Variants in BLM observed in about 807,000 individuals in gnomAD.
The protein encoded by BLM is BLM RecQ like helicase.
Under a neutral mutation model 135.3 loss-of-function variants are expected in BLM, and 95 were observed. The ratio of observed to expected loss-of-function variants is 0.70; its 90% CI spans 0.59 to 0.83. BLM has a LOEUF of 0.83. Ranked by LOEUF, BLM falls within the 40% of genes least tolerant of loss-of-function variation. The probability of loss-of-function intolerance (pLI) is 0.00; values close to 1 mark genes in which losing one functional copy is unlikely to be tolerated. For missense variants in BLM, 1,518 were observed against 1,663.9 expected (o/e 0.91, Z 1.53); for synonymous variants, 520 against 589.2 (o/e 0.88, Z 1.70).
At chr15:90,789,201 TGA>T (rs1896837635) in intron 14 of BLM, among the ~76,000 whole-genome samples, 1 of 152,146 alleles carries the variant, frequency 6.6e-6, no homozygotes, top group Non-Finnish European at 1.5e-5. Flanking sequence ...GTTAGATTCA[TGA>T]GATAGAATAA....
At chr15:90,798,669 T>C (rs770700363) in intron 17 of BLM, among the ~76,000 whole-genome samples, 39 of 148,616 alleles carry the variant, frequency 2.6e-4, no homozygotes, top group Non-Finnish European at 5.3e-4. Context: ...GAGAGACTAT[T>C]ATCAGATTAG....
chr15:90,760,884 A>G lies in BLM; in HGVS notation c.1511A>G (p.Asn504Ser). Residue 504 changes from asparagine (N) to serine (S), a missense_variant, in exon 7 of 22, where the codon AAC becomes AGC. Physicochemically the swap from Asn to Ser is conservative, Grantham distance 46 (BLOSUM62 1). Transcript: ENST00000355112. Reference protein sequence around the residue: ...THLQKSFVSSNWAETPRLGKK... With the variant: ...THLQKSFVSSSWAETPRLGKK... ...TTACAGAAGTCCTTTGTAAGTAGCA[A>G]CTGGGCTGAAACACCAAGACTAGGA... The G allele has an allele frequency of 6.2e-7, 1 of 1,614,086 alleles. No homozygotes were observed. Among genetic ancestry groups the G allele is most frequent in the Non-Finnish European group, 8.5e-7 (1 of 1,180,036 alleles).
At chr15:90,809,000 C>A in intron 19 of BLM, 137 bp from the exon 20 acceptor site, 3 of 1,269,788 alleles carry the variant, frequency 2.4e-6, no homozygotes, top group Non-Finnish European at 3.4e-6. Flanking sequence ...TTGCCTTTTA[C>A]AAAATTGGCC....
intron 1 of BLM, among the ~76,000 whole-genome samples, chr15:90,734,262 T>G (rs1471569034): frequency 1.3e-5 from 2 of 151,942 alleles, no homozygotes; most frequent in Non-Finnish European, 2.9e-5. Context: ...TAGTAAAAAC[T>G]CTTAAGAAAT....
In BLM at chr15:90,794,181, A is replaced by G. The variant is rs778338724; in HGVS notation, c.3034A>G (p.Asn1012Asp). 1 of 1,603,214 alleles carries G rather than the reference A, an allele frequency of 6.2e-7. No individual in the cohort carries two copies. The highest frequency in any genetic ancestry group is 1.7e-5 in the Admixed American group (1 of 59,516). ...ATCTCTTTTAGTGGAAAAAGATGGAAACCATCATACAAGAGAAACTCACTT... is the reference window on the plus strand; with the variant it reads ...ATCTCTTTTAGTGGAAAAAGATGGAGACCATCATACAAGAGAAACTCACTT... Reference protein sequence around the residue: ...KRLIMMEKDGNHHTRETHFNN... With the variant: ...KRLIMMEKDGDHHTRETHFNN... The change falls in exon 16 of 22, where the codon AAC becomes GAC. Residue 1012 changes from asparagine (N) to aspartate (D), a missense_variant. This residue lies in a region of BLM where 626 missense variants were observed against 681.1 expected (regional missense o/e 0.92). Coordinates refer to ENST00000355112, the MANE Select transcript of BLM (RefSeq NM_000057.4).
Position 90,750,011 on chromosome 15 carries a change from T to C in BLM, c.743T>C (p.Ile248Thr), listed in dbSNP as rs1319055340. The C allele has an allele frequency of 1.2e-6, 2 of 1,614,222 alleles. No individual in the cohort carries two copies. Among genetic ancestry groups the C allele is most frequent in the African/African-American group, 1.3e-5 (1 of 75,052 alleles). Residue 248 changes from isoleucine (I) to threonine (T), a missense_variant, in exon 3 of 22, where the codon ATA becomes ACA. By Grantham distance (89) the Ile-to-Thr change is moderately conservative. Around this residue, in one of 5 missense-constraint regions of BLM, gnomAD observed 724 missense variants for 756.9 expected, o/e 0.96. Transcript: ENST00000355112. ...GATGGCCCCATTGCTGAAGTGCATA[T>C]AAATGAAGATGCTCAGGAAAGTGAC... ...IDDGPIAEVH[I>T]NEDAQESDSL...
At position 90,802,456 on chromosome 15, in the gene BLM, G is replaced by C. The variant is rs1213469422; in HGVS notation, c.3359-1065G>C. ...GCTCTCGGCTAGTAAGAGAAAGAGGGAAGTGTGTGTACATATTCCTGTCTT... is the reference window on the plus strand; with the variant it reads ...GCTCTCGGCTAGTAAGAGAAAGAGGCAAGTGTGTGTACATATTCCTGTCTT... On this transcript the variant is annotated intron_variant, in intron 17 of 21. Coordinates refer to ENST00000355112, the MANE Select transcript of BLM (RefSeq NM_000057.4). Among the ~76,000 whole-genome samples the C allele has an allele frequency of 2.0e-5, 3 of 152,346 alleles. No individual in the cohort carries two copies. In the East Asian group the frequency reaches 5.8e-4, roughly 29 times the overall value.
intron 17 of BLM, among the ~76,000 whole-genome samples, chr15:90,799,231 G>C (rs1897107858): frequency 6.6e-6 from 1 of 151,914 alleles, no homozygotes; most frequent in Admixed American, 6.6e-5. Flanking sequence ...CTGGGTGATA[G>C]AAATAATTGA....
At chr15:90,788,471 G>GTTTTTTTTTTTTTTTTTTTTTTT (rs35158343) in intron 14 of BLM, among the ~76,000 whole-genome samples, 22 of 95,010 alleles carry the variant, frequency 2.3e-4, no homozygotes, top group East Asian at 6.6e-4. Flanking sequence ...CCAGTGTTTT[G>GTTTTTTTTTTTTTTTTTTTTTTT]TTTTTTTTTT....
intron 5 of BLM, among the ~76,000 whole-genome samples, chr15:90,759,526 T>G (rs1363807743): frequency 6.6e-6 from 1 of 152,122 alleles, no homozygotes; most frequent in Non-Finnish European, 1.5e-5. Context: ...CCCAAGAGTT[T>G]GAGGGTTCAG....
At chr15:90,737,284 G>A (rs1403772999) in intron 1 of BLM, among the ~76,000 whole-genome samples, 1 of 151,818 alleles carries the variant, frequency 6.6e-6, no homozygotes, top group East Asian at 1.9e-4. Context: ...TGAATTTTAA[G>A]ATAGATGGAT....
intron 1 of BLM, among the ~76,000 whole-genome samples, chr15:90,741,596 A>T (rs2151140760): frequency 6.6e-6 from 1 of 152,126 alleles, no homozygotes; most frequent in East Asian, 1.9e-4. Context: ...CTGTGTGTGC[A>T]TCTATTAAGT....
rs147467303 is a variant in BLM at position 90,756,135 on chromosome 15, G to A, written c.1087+1197G>A. 2.6e-3 allele frequency among the ~76,000 whole-genome samples: 379 copies of A among 148,464 alleles called. 3 individuals are homozygous for A. Among genetic ancestry groups the A allele is most frequent in the African/African-American group, 8.9e-3 (357 of 40,026 alleles). On this transcript the variant is annotated intron_variant, in intron 5 of 21. Transcript: ENST00000355112. Reference sequence around the variant, plus strand: ...TTTTTTTTTTTTGAGACGGAGTCTCGCTCTGTCACCCAGGCTGGAGTGCAG... The same window carrying A: ...TTTTTTTTTTTTGAGACGGAGTCTCACTCTGTCACCCAGGCTGGAGTGCAG...
chr15:90,741,081 T>TC (rs1309482081), intron 1 of BLM, among the ~76,000 whole-genome samples: 3 of 152,184 alleles, frequency 2.0e-5, no homozygotes, highest in African/African-American at 7.2e-5. Flanking sequence ...GGTTCTGATT[T>TC]CCCCACATTG....
At chr15:90,723,927 C>G (rs1418577214) in intron 1 of BLM, among the ~76,000 whole-genome samples, 5 of 152,148 alleles carry the variant, frequency 3.3e-5, no homozygotes, top group African/African-American at 1.2e-4. Flanking sequence ...GCTTACTTCA[C>G]TTTGCTTAAT....
chr15:90,768,145 C>T (rs1216071447), intron 10 of BLM, among the ~76,000 whole-genome samples: 1 of 151,840 alleles, frequency 6.6e-6, no homozygotes, highest in South Asian at 2.1e-4. Context: ...GTTTCACCAT[C>T]TTGGCCAGGC....
At chr15:90,762,213 G>C (rs1896006262) in intron 7 of BLM, among the ~76,000 whole-genome samples, 1 of 152,196 alleles carries the variant, frequency 6.6e-6, no homozygotes, top group African/African-American at 2.4e-5. Flanking sequence ...TGCTGAACCA[G>C]AGTTGCGACA....
At chr15:90,807,152 A>G (rs1426237864) in intron 19 of BLM, among the ~76,000 whole-genome samples, 1 of 152,112 alleles carries the variant, frequency 6.6e-6, no homozygotes, top group Non-Finnish European at 1.5e-5. Flanking sequence ...GTGTTCCACT[A>G]TTTTCCCCAG....
At chr15:90,755,013 T>C (rs1895782016) in intron 5 of BLM, 75 bp downstream of exon 5, 2 of 1,560,010 alleles carry the variant, frequency 1.3e-6, no homozygotes, top group Admixed American at 1.7e-5. Flanking sequence ...AAAGATTGTG[T>C]TTTGAACCTG....
Sources: gnomAD v4.1 joint callset for allele counts (sites outside exome capture counted in the v4.1 genomes callset) on GRCh38, gnomAD v4.1.1 for gene constraint, gnomAD v4.1.1 regional missense constraint, MANE v1.5 for transcripts, NCBI Gene and HGNC (gene_info 2026-07-23, HGNC 2026-07-21) for gene names.